The following RAP1GAP2 variants were observed in gnomAD, a reference collection of about 807,000 sequenced individuals.
The protein encoded by RAP1GAP2 is RAP1 GTPase activating protein 2.
RAP1GAP2 carries 27 observed loss-of-function variants against 95.0 expected under a neutral mutation model. The ratio of observed to expected loss-of-function variants is 0.28; its 90% confidence interval spans 0.21 to 0.39. The LOEUF (loss-of-function observed/expected upper bound fraction) is 0.39, where lower values mean the gene tolerates loss of function less well. RAP1GAP2 is among the 10% of genes least tolerant of loss of function. RAP1GAP2 has a pLI of 1.00. For synonymous variants in RAP1GAP2, 373 were observed against 380.9 expected (o/e 0.98, Z 0.24); for missense variants, 771 against 970.0 (o/e 0.79, Z 2.72).
At chr17:2,849,846 T>A (rs527339103) in intron 2 of RAP1GAP2, among the ~76,000 whole-genome samples, 2 of 152,330 alleles carry the variant, frequency 1.3e-5, no homozygotes, top group South Asian at 4.1e-4. Flanking sequence ...TGTATCCAGC[T>A]TTCTCAGCCC....
chr17:2,945,992 T>C (rs2043685286), intron 3 of RAP1GAP2, among the ~76,000 whole-genome samples: 1 of 152,098 alleles, frequency 6.6e-6, no homozygotes, highest in Admixed American at 6.6e-5. Flanking sequence ...GCTTTCACCA[T>C]GTCGGCCAGG....
At chr17:2,792,761 G>A (rs1198084790), upstream of RAP1GAP2, among the ~76,000 whole-genome samples, 1 of 152,232 alleles carries the variant, frequency 6.6e-6, no homozygotes, top group Admixed American at 6.5e-5. Flanking sequence ...CCCCGGTGGG[G>A]GAAACCAGCC....
At position 2,913,962 on chromosome 17, in the gene RAP1GAP2, C is replaced by A. The variant is rs2042480252; in HGVS notation, c.165+8594C>A. Among the ~76,000 whole-genome samples, 3 of 152,176 alleles carry A rather than the reference C, an allele frequency of 2.0e-5. 1 individual carries two copies. In the South Asian group the frequency reaches 6.2e-4, roughly 32 times the overall value. ...CTCTGCTCACTGCAGCCTCCGCCTC[C>A]CGGGTTCAAGGGATTCTCCTGCCTC... On this transcript the variant is annotated intron_variant, in intron 3 of 24. Coordinates refer to ENST00000254695, the MANE Select transcript of RAP1GAP2 (RefSeq NM_015085.5).
chr17:2,770,487 C>G (rs948522945), intron 2 of RAP1GAP2: 311 of 398,574 alleles, frequency 7.8e-4, no homozygotes, highest in Non-Finnish European at 2.1e-4. Flanking sequence ...TCTTTGGCCT[C>G]GGCCCAGGCC....
upstream of RAP1GAP2, among the ~76,000 whole-genome samples, chr17:2,773,919 A>C (rs987303665): frequency 6.6e-6 from 1 of 151,816 alleles, no homozygotes; most frequent in South Asian, 2.1e-4. Context: ...CACGATGCCC[A>C]ACTAAGTTTT....
At chr17:2,890,606 C>T (rs1383950273) in intron 2 of RAP1GAP2, among the ~76,000 whole-genome samples, 1 of 151,982 alleles carries the variant, frequency 6.6e-6, no homozygotes, top group African/African-American at 2.4e-5. Context: ...GGAATTCAGC[C>T]AACACATGGG....
In RAP1GAP2 at chr17:3,026,407, C is replaced by A; in HGVS notation, c.1923C>A (p.Thr641=). The change falls in exon 21 of 25, where the codon ACC becomes ACA. Residue 641 remains threonine, a synonymous_variant. Coordinates refer to ENST00000254695, the MANE Select transcript of RAP1GAP2 (RefSeq NM_015085.5). ...GRAISRSSSS[T]SSVSSTAGEG... ...CCATCTCCCGCTCCTCCTCCAGCACCAGCAGCGTCAGCAGCACTGCAGGGG... is the reference window on the plus strand; with the variant it reads ...CCATCTCCCGCTCCTCCTCCAGCACAAGCAGCGTCAGCAGCACTGCAGGGG... The A allele has an allele frequency of 6.4e-7, 1 of 1,552,518 alleles. No homozygotes were observed. Among genetic ancestry groups the A allele is most frequent in the South Asian group, 1.2e-5 (1 of 84,114 alleles).
At position 2,902,259 on chromosome 17, in the gene RAP1GAP2, C is replaced by G. The variant is rs545836557; in HGVS notation, c.81-3025C>G. Among the ~76,000 whole-genome samples, 1 of 151,930 alleles carries G rather than the reference C, an allele frequency of 6.6e-6. No individual in the cohort carries two copies. The highest frequency in any genetic ancestry group is 1.9e-4 in the East Asian group (1 of 5,174). ...TGAGATGGAGTCTTGCTCTGTCACC[C>G]GAGCTGGAGTGCAGTGGCACGATCT... On this transcript the variant is annotated intron_variant, in intron 2 of 24. Coordinates refer to ENST00000254695, the MANE Select transcript of RAP1GAP2 (RefSeq NM_015085.5). The surrounding 1 kb of genome is among the most constrained non-coding windows in gnomAD (Gnocchi z 4.1).
chr17:2,806,696 CTAT>C, intron 2 of RAP1GAP2, among the ~76,000 whole-genome samples: 1 of 150,350 alleles, frequency 6.7e-6, no homozygotes, highest in Non-Finnish European at 1.5e-5. Flanking sequence ...TGGGCCTGGT[CTAT>C]TATTATTATT....
intron 1 of RAP1GAP2, among the ~76,000 whole-genome samples, chr17:2,786,068 A>G (rs1167162038): frequency 6.6e-6 from 1 of 151,794 alleles, no homozygotes; most frequent in Non-Finnish European, 1.5e-5. Flanking sequence ...TGCCTGGCTA[A>G]TTTTGTATTT....
rs922961454 is a variant in RAP1GAP2 at position 2,767,389 on chromosome 17, G to T, written c.51-2940G>T. Among the ~76,000 whole-genome samples, 85 of 119,398 alleles carry T rather than the reference G, an allele frequency of 7.1e-4. 1 individual carries two copies. The highest frequency in any genetic ancestry group is 1.1e-3 in the Non-Finnish European group (61 of 54,528). The allele number at this position is 119,398 out of a possible 152,430, so 78.3% of individuals were successfully genotyped here. ...AAAAAAAAAAAAAAAAAAAAAAAAG[G>T]TTGGAATAGGTAATCTCTCTCCTGT... On this transcript the variant is annotated intron_variant, in intron 1 of 25. Transcript: ENST00000637138.
chr17:2,813,167 GT>G (rs1168316509), intron 2 of RAP1GAP2, among the ~76,000 whole-genome samples: 3 of 151,528 alleles, frequency 2.0e-5, no homozygotes, highest in Non-Finnish European at 4.4e-5. Context: ...CGCCTCCCAG[GT>G]TCAAGCGATT....
At chr17:2,873,344 G>A (rs1008078285) in intron 2 of RAP1GAP2, among the ~76,000 whole-genome samples, 4 of 148,128 alleles carry the variant, frequency 2.7e-5, no homozygotes, top group African/African-American at 9.9e-5. Context: ...TTGGGGCGGG[G>A]CATGCCTGTG....
intron 3 of RAP1GAP2, among the ~76,000 whole-genome samples, chr17:2,930,999 G>A (rs907411549): frequency 1.3e-4 from 19 of 151,762 alleles, no homozygotes; most frequent in Admixed American, 1.2e-3. Context: ...GGCATGCCCT[G>A]TAATCTCAGC....
chr17:2,786,507 G>T (rs1404667544), intron 1 of RAP1GAP2, among the ~76,000 whole-genome samples: 2 of 152,252 alleles, frequency 1.3e-5, no homozygotes, highest in Non-Finnish European at 2.9e-5. Context: ...CAGGTGCCCC[G>T]CCTTAGCAGG....
intron 1 of RAP1GAP2, among the ~76,000 whole-genome samples, chr17:2,799,445 T>C (rs1359755329): frequency 6.6e-6 from 1 of 152,068 alleles, no homozygotes; most frequent in Non-Finnish European, 1.5e-5. Flanking sequence ...CAGGGTGACT[T>C]GTGGGCTGGC....
intron 2 of RAP1GAP2, chr17:2,770,540 A>G (rs534843466): frequency 4.5e-5 from 18 of 397,734 alleles, no homozygotes; most frequent in Non-Finnish European, 7.5e-5. Flanking sequence ...CTGGTCCACA[A>G]ATCCACCATG....
At chr17:2,854,074 A>C in intron 2 of RAP1GAP2, 1 of 985,372 alleles carries the variant, frequency 1.0e-6, no homozygotes. Context: ...ACTCCTGCAC[A>C]AATCCCGGAG....
At chr17:2,928,527 G>A (rs973805020) in intron 3 of RAP1GAP2, among the ~76,000 whole-genome samples, 1 of 152,124 alleles carries the variant, frequency 6.6e-6, no homozygotes, top group African/African-American at 2.4e-5. Flanking sequence ...TGAGCAGCAC[G>A]TAGATAACCC....
Sources: allele counts gnomAD v4.1 joint callset (sites outside exome capture counted in the v4.1 genomes callset), GRCh38; gene constraint gnomAD v4.1.1; non-coding constraint Gnocchi (gnomAD v3.1); transcripts MANE v1.5; gene names NCBI Gene and HGNC (gene_info 2026-07-23, HGNC 2026-07-21).